Variants in DYM observed in about 807,000 individuals in gnomAD.
The protein encoded by DYM is dymeclin.
Under a neutral mutation model 93.1 loss-of-function variants are expected in DYM, and 78 were observed. That is an observed-to-expected ratio of 0.84 (90% CI 0.70 to 1.01). DYM has a LOEUF of 1.01. Ranked by LOEUF, DYM falls within the 50% of genes least tolerant of loss-of-function variation. The probability of loss-of-function intolerance (pLI) is 0.00; values close to 1 mark genes in which losing one functional copy is unlikely to be tolerated. For missense variants in DYM, 789 were observed against 845.0 expected (o/e 0.93, Z 0.82); for synonymous variants, 321 against 319.7 (o/e 1.00, Z -0.04).
intron 14 of DYM, among the ~76,000 whole-genome samples, chr18:49,194,675 A>T (rs1287265357): frequency 1.3e-5 from 2 of 152,018 alleles, no homozygotes; most frequent in Non-Finnish European, 2.9e-5. Context: ...TCTAAAATTT[A>T]TTCTGGGTGG....
At chr18:49,158,594 G>A (rs1012412655) in intron 15 of DYM, among the ~76,000 whole-genome samples, 4 of 151,974 alleles carry the variant, frequency 2.6e-5, no homozygotes, top group Admixed American at 2.6e-4. Flanking sequence ...AATCTTTAAG[G>A]GACATTTCCA....
intron 14 of DYM, among the ~76,000 whole-genome samples, chr18:49,176,388 G>GT (rs1272199460): frequency 1.3e-5 from 2 of 151,764 alleles, no homozygotes; most frequent in African/African-American, 4.8e-5. Context: ...TTTCATTTGT[G>GT]TTTTTAACAT....
intron 16 of DYM, among the ~76,000 whole-genome samples, chr18:49,100,934 G>A (rs1265661563): frequency 2.0e-5 from 3 of 152,192 alleles, no homozygotes; most frequent in Non-Finnish European, 4.4e-5. Flanking sequence ...TTTCAAATAG[G>A]AGATATCTAA....
chr18:49,089,996 C>G (rs952542669), intron 17 of DYM, among the ~76,000 whole-genome samples: 9 of 152,160 alleles, frequency 5.9e-5, no homozygotes, highest in African/African-American at 2.2e-4. Flanking sequence ...GTACCAACAT[C>G]CTGCAAATGT....
intron 8 of DYM, among the ~76,000 whole-genome samples, chr18:49,325,398 G>A (rs1411471158): frequency 2.6e-5 from 4 of 152,132 alleles, no homozygotes; most frequent in African/African-American, 7.2e-5. Context: ...GAAACACTCT[G>A]CTCTCCACAC....
At chr18:49,342,339 G>A (rs79026128) in intron 6 of DYM, among the ~76,000 whole-genome samples, 1,786 of 152,232 alleles carry the variant, frequency 0.012, 27 homozygotes, top group African/African-American at 0.038. Context: ...GACTGGGCCC[G>A]ACAGGATAAT....
rs371946987 is a variant in DYM, at chr18:49,130,796, G to A, written c.1729-11870C>T. 1.5e-4 allele frequency among the ~76,000 whole-genome samples: 23 copies of A among 152,296 alleles called. No homozygotes were observed. The South Asian group carries it at 4.6e-3, about 30-fold the overall frequency. On this transcript the variant is annotated intron_variant, in intron 15 of 17. Coordinates refer to ENST00000675505, the MANE Select transcript of DYM (RefSeq NM_001353214.3). ...CTGCCCTCACACAGGTTACCATTTA[G>A]GGGAGAGGCACCCTGTGAAAGTACA...
intron 15 of DYM, among the ~76,000 whole-genome samples, chr18:49,163,317 T>C (rs904246197): frequency 2.0e-5 from 3 of 152,154 alleles, no homozygotes; most frequent in Non-Finnish European, 4.4e-5. Flanking sequence ...GGTAATGCTA[T>C]TATAAATTTT....
chr18:49,439,497 G>A (rs566619079), intron 1 of DYM, among the ~76,000 whole-genome samples: 1 of 152,116 alleles, frequency 6.6e-6, no homozygotes, highest in Non-Finnish European at 1.5e-5. Flanking sequence ...ATTCCTGAGA[G>A]GCATGAATCA....
chr18:49,254,321 T>TAC (rs2094348901), intron 13 of DYM, among the ~76,000 whole-genome samples: 4 of 120,818 alleles, frequency 3.3e-5, no homozygotes, highest in African/African-American at 1.2e-4. Context: ...TATATATATA[T>TAC]ATATACACAC....
chr18:49,045,011 G>T (rs2071291819), intron 17 of DYM, among the ~76,000 whole-genome samples: 1 of 152,240 alleles, frequency 6.6e-6, no homozygotes, highest in South Asian at 2.1e-4. Context: ...ATTTATTCCA[G>T]CCAGGGCAGA....
In DYM at chr18:49,388,917, A is replaced by C. The variant is rs2068900584; in HGVS notation, c.193+2676T>G. 1.5e-4 allele frequency among the ~76,000 whole-genome samples: 19 copies of C among 124,840 alleles called. No homozygotes were observed. In the South Asian group the frequency reaches 4.9e-3, roughly 32 times the overall value. The allele number at this position is 124,840 out of a possible 152,430, so 81.9% of individuals were successfully genotyped here. A position where few individuals can be genotyped will look rare whatever the true frequency, so the allele number is the denominator to read the frequency against. ...AAAAAATAGCACATTTTCAGACAAA[A>C]AAAAAAAAAAAGAAAAAAGAGAAGG... On this transcript the variant is annotated intron_variant, in intron 3 of 17. Coordinates refer to ENST00000675505, the MANE Select transcript of DYM (RefSeq NM_001353214.3).
rs182237653 is a variant in DYM at position 49,278,279 on chromosome 18, C to T, written c.1125+3718G>A. ...TCTTCAGTGAAGTTTCAAATGAGTA[C>T]GATATCAAAATGACAGGGGTTGCAT... is the stretch of plus-strand genomic sequence containing the variant. On this transcript the variant is annotated intron_variant, in intron 10 of 17. Coordinates refer to ENST00000675505, the MANE Select transcript of DYM (RefSeq NM_001353214.3). 7.5e-4 allele frequency among the ~76,000 whole-genome samples: 114 copies of T among 152,166 alleles called. 2 individuals are homozygous for T. Among genetic ancestry groups the T allele is most frequent in the African/African-American group, 2.6e-3 (110 of 41,510 alleles).
chr18:49,052,379 C>T (rs1240003260), intron 17 of DYM, among the ~76,000 whole-genome samples: 3 of 152,184 alleles, frequency 2.0e-5, no homozygotes, highest in Non-Finnish European at 4.4e-5. Context: ...GCTTCTCCCT[C>T]TAAGATGTCT....
intron 13 of DYM, among the ~76,000 whole-genome samples, chr18:49,247,070 T>C (rs982614882): frequency 6.6e-6 from 1 of 152,218 alleles, no homozygotes; most frequent in Non-Finnish European, 1.5e-5. Context: ...TGTCTCTCTC[T>C]AGAGCAGAGA....
At chr18:49,170,680 T>C (rs2088561318) in intron 14 of DYM, among the ~76,000 whole-genome samples, 1 of 147,144 alleles carries the variant, frequency 6.8e-6, no homozygotes, top group South Asian at 2.1e-4. Flanking sequence ...CTCAGGAGGC[T>C]GAGGCAGGAG....
chr18:49,264,239 T>G (rs1351390803), intron 11 of DYM, among the ~76,000 whole-genome samples: 1 of 151,940 alleles, frequency 6.6e-6, no homozygotes, highest in Non-Finnish European at 1.5e-5. Flanking sequence ...CAACTAACAA[T>G]GCTACAGTGA....
intron 17 of DYM, among the ~76,000 whole-genome samples, chr18:49,060,730 A>G (rs1599434523): frequency 1.9e-5 from 1 of 53,546 alleles, no homozygotes. Flanking sequence ...GGGGGGAGAG[A>G]GGGAGAGGGA....
rs369611417 is a variant in DYM at position 49,348,600 on chromosome 18, T to G, written c.494+14561A>C. Among the ~76,000 whole-genome samples, 20 of 151,242 alleles carry G rather than the reference T, an allele frequency of 1.3e-4. No homozygotes were observed. In the South Asian group the frequency reaches 4.2e-3, roughly 32 times the overall value. On this transcript the variant is annotated intron_variant, in intron 6 of 17. Coordinates refer to ENST00000675505, the MANE Select transcript of DYM (RefSeq NM_001353214.3). ...ACAAATTAAAATATCCATTACTTTT[T>G]TTATGATTTATAAAAAAAAAAAAAT...
Sources: allele counts gnomAD v4.1 joint callset (sites outside exome capture counted in the v4.1 genomes callset), GRCh38; gene constraint gnomAD v4.1.1; transcripts MANE v1.5; gene names NCBI Gene and HGNC (gene_info 2026-07-23, HGNC 2026-07-21).